The following PACRG variants were observed in gnomAD, a reference collection of about 807,000 sequenced individuals.
PACRG encodes parkin coregulated, also known as parkin coregulated gene protein.
PACRG carries 29 observed loss-of-function variants against 29.7 expected under a neutral mutation model. The observed-to-expected ratio is 0.98, with a 90% CI of 0.73 to 1.33. PACRG has a LOEUF of 1.33. Among genes scored for constraint, PACRG ranks in the 40% most tolerant of loss-of-function variants. The pLI, the probability that PACRG is intolerant of heterozygous loss-of-function variation, is 0.00. For synonymous variants in PACRG, 116 were observed against 118.7 expected, an observed-to-expected ratio of 0.98 and a Z score of 0.15; for missense variants, 279 against 316.2, an observed-to-expected ratio of 0.88 and a Z score of 0.89.
intron 2 of PACRG, among the ~76,000 whole-genome samples, chr6:162,995,025 T>G (rs892348861): frequency 6.6e-6 from 1 of 151,006 alleles, no homozygotes; most frequent in African/African-American, 2.5e-5. Context: ...GTGCCCCTGC[T>G]GGGGGGTGCC....
chr6:162,980,939 TG>T (rs1259454488), intron 2 of PACRG, among the ~76,000 whole-genome samples: 1 of 152,062 alleles, frequency 6.6e-6, no homozygotes, highest in African/African-American at 2.4e-5. Flanking sequence ...TTTGGTTGCA[TG>T]GAAAAGTTCT....
At chr6:162,957,505 A>G (rs1301384043) in intron 2 of PACRG, 2 of 407,168 alleles carry the variant, frequency 4.9e-6, no homozygotes, top group Admixed American at 5.3e-5. Context: ...TTCTATTACA[A>G]GGGGCTCGGG....
At position 162,986,238 on chromosome 6, in the gene PACRG, G is replaced by A. The variant is rs191498589; in HGVS notation, c.292-75912G>A. 7.6e-3 allele frequency among the ~76,000 whole-genome samples: 1,149 copies of A among 152,042 alleles called. 9 individuals carry two copies. Among genetic ancestry groups the A allele is most frequent in the Non-Finnish European group, 0.012 (794 of 67,978 alleles). ...CCAAAATTCATATAGAACCAAAAAA[G>A]ATCCCACATAGCCAAAGCAGGACTA... On this transcript the variant is annotated intron_variant, in intron 2 of 4. Transcript: ENST00000366888.
At chr6:162,989,872 A>G (rs1485799690) in intron 2 of PACRG, among the ~76,000 whole-genome samples, 4 of 151,834 alleles carry the variant, frequency 2.6e-5, no homozygotes, top group East Asian at 3.9e-4. Context: ...ATATCTCCCA[A>G]TGCTATCCCT....
chr6:163,255,312 T>C (rs1283589908), intron 4 of PACRG, among the ~76,000 whole-genome samples: 1 of 152,068 alleles, frequency 6.6e-6, no homozygotes, highest in Non-Finnish European at 1.5e-5. Context: ...CCAGGCTTGG[T>C]GTCAAAGGGT....
chr6:163,201,777 C>T (rs951687137), intron 4 of PACRG, among the ~76,000 whole-genome samples: 1 of 152,230 alleles, frequency 6.6e-6, no homozygotes, highest in Non-Finnish European at 1.5e-5. Flanking sequence ...ACGGTTCTCT[C>T]TCCGCTGGGG....
intron 1 of PACRG, among the ~76,000 whole-genome samples, chr6:162,787,610 A>C (rs1246599069): frequency 7.1e-6 from 1 of 140,020 alleles, no homozygotes; most frequent in African/African-American, 2.6e-5. Flanking sequence ...ATATATATAT[A>C]TATATATATA....
intron 4 of PACRG, among the ~76,000 whole-genome samples, chr6:163,295,686 T>A (rs1035131680): frequency 6.6e-6 from 1 of 152,178 alleles, no homozygotes; most frequent in Non-Finnish European, 1.5e-5. Context: ...TAATAATGAT[T>A]ATAATTACAG....
chr6:162,824,658 A>C (rs1788126862), intron 2 of PACRG, among the ~76,000 whole-genome samples: 2 of 152,178 alleles, frequency 1.3e-5, no homozygotes, highest in Non-Finnish European at 2.9e-5. Context: ...TTTGCAGAGA[A>C]GTAATGTGAT....
chr6:162,871,145 T>A (rs1445927803), intron 2 of PACRG, among the ~76,000 whole-genome samples: 3 of 152,234 alleles, frequency 2.0e-5, no homozygotes, highest in Non-Finnish European at 4.4e-5. Context: ...AAAGGCTTTG[T>A]AAACATTGTA....
chr6:163,155,044 T>C (rs1036007766), intron 4 of PACRG, among the ~76,000 whole-genome samples: 9 of 152,106 alleles, frequency 5.9e-5, no homozygotes, highest in South Asian at 2.1e-4. Context: ...ACACCTAGAT[T>C]ATTGAATTAA....
chr6:162,959,147 A>G (rs191200722), intron 2 of PACRG, among the ~76,000 whole-genome samples: 4 of 149,176 alleles, frequency 2.7e-5, no homozygotes, highest in East Asian at 2.0e-4. Flanking sequence ...TTGAATTCCT[A>G]TCCTCAAGCA....
At chr6:162,741,328 C>T (rs987121807) in intron 1 of PACRG, among the ~76,000 whole-genome samples, 1 of 152,160 alleles carries the variant, frequency 6.6e-6, no homozygotes, top group East Asian at 1.9e-4. Flanking sequence ...TCTGTCATAA[C>T]ACAATACCAT....
intron 4 of PACRG, among the ~76,000 whole-genome samples, chr6:163,214,513 G>C (rs543896721): frequency 1.3e-5 from 2 of 151,864 alleles, no homozygotes; most frequent in African/African-American, 4.8e-5. Flanking sequence ...GAGTTTTAAA[G>C]TTTTCTTTAT....
At chr6:163,269,784 G>T (rs11758607) in intron 4 of PACRG, among the ~76,000 whole-genome samples, 27,184 of 82,656 alleles carry the variant, frequency 0.33, 7,374 homozygotes, top group African/African-American at 0.39. Flanking sequence ...CAGACAGACA[G>T]AAAGAAAGAA....
intron 2 of PACRG, among the ~76,000 whole-genome samples, chr6:162,890,387 T>G (rs1346097303): frequency 1.3e-5 from 2 of 152,130 alleles, no homozygotes; most frequent in African/African-American, 2.4e-5. Context: ...ATTAAGAAAT[T>G]TTCTGTTTTT....
intron 4 of PACRG, among the ~76,000 whole-genome samples, chr6:163,240,090 T>A (rs62427964): frequency 3.8e-3 from 309 of 81,452 alleles, no homozygotes; most frequent in African/African-American, 0.012. Flanking sequence ...CCACACACAC[T>A]CACACACACA....
intron 4 of PACRG, chr6:163,310,091 CT>C (rs1266966733): frequency 6.6e-6 from 1 of 152,118 alleles, no homozygotes; most frequent in Non-Finnish European, 1.5e-5. Flanking sequence ...CATACAATGG[CT>C]ATATATTTAC....
intron 4 of PACRG, among the ~76,000 whole-genome samples, chr6:163,141,751 A>T (rs1306969749): frequency 6.6e-6 from 1 of 152,160 alleles, no homozygotes; most frequent in Non-Finnish European, 1.5e-5. Context: ...AAAAATCATG[A>T]TCCTGTATTA....
Sources: gnomAD v4.1 joint callset for allele counts (sites outside exome capture counted in the v4.1 genomes callset) on GRCh38, gnomAD v4.1.1 for gene constraint, MANE v1.5 for transcripts, NCBI Gene and HGNC (gene_info 2026-07-23, HGNC 2026-07-21) for gene names.